Variants in SLC4A5 observed in about 807,000 individuals in gnomAD.
SLC4A5 encodes electrogenic sodium bicarbonate cotransporter 4.
Under a neutral mutation model 120.4 loss-of-function variants are expected in SLC4A5, and 96 were observed. That is an observed-to-expected ratio of 0.80 (90% CI 0.68 to 0.94). The LOEUF is 0.94. Among genes scored for constraint, SLC4A5 ranks in the 40% least tolerant of loss-of-function variants. SLC4A5 has a pLI of 0.00. For missense variants in SLC4A5, 1,259 were observed against 1,459.5 expected, an observed-to-expected ratio of 0.86 and a Z score of 2.24; for synonymous variants, 550 against 571.1, an observed-to-expected ratio of 0.96 and a Z score of 0.53.
chr2:74,262,786 G>A (rs1671183232), intron 10 of SLC4A5, among the ~76,000 whole-genome samples: 2 of 152,128 alleles, frequency 1.3e-5, no homozygotes, highest in African/African-American at 4.8e-5. Flanking sequence ...GGCACAAGGT[G>A]TAGTAGACTG....
chr2:74,230,413 A>C (rs1360248310), intron 25 of SLC4A5, among the ~76,000 whole-genome samples: 1 of 152,024 alleles, frequency 6.6e-6, no homozygotes, highest in Non-Finnish European at 1.5e-5. Context: ...GGTGGGACAT[A>C]AGCAAGAGGA....
At chr2:74,265,033 C>A in intron 9 of SLC4A5, 71 bp downstream of exon 9, 2 of 1,513,278 alleles carry the variant, frequency 1.3e-6, no homozygotes, top group South Asian at 2.5e-5. Context: ...TGAGGGCAGG[C>A]ATGAGGTCAG....
chr2:74,242,021 T>A (rs757525373), exon 20 of SLC4A5: 4 of 1,606,630 alleles, frequency 2.5e-6, no homozygotes, highest in Non-Finnish European at 3.4e-6. Context: ...CTGGTGCCAA[T>A]GGGGCTGAAG....
intron 10 of SLC4A5, 97 bp from the exon 11 acceptor site, chr2:74,262,329 C>CA: frequency 1.4e-6 from 1 of 736,910 alleles, no homozygotes; most frequent in Non-Finnish European, 2.2e-6. Context: ...AACTGGGTGG[C>CA]AAGACATGTC....
chr2:74,304,616 C>T (rs1672581895), exon 7 of SLC4A5: 1 of 1,614,174 alleles, frequency 6.2e-7, no homozygotes, highest in African/African-American at 1.3e-5. Context: ...AAAGATGTCC[C>T]TTCTGGTCAG....
At chr2:74,261,413 G>T (rs553558416) in intron 11 of SLC4A5, among the ~76,000 whole-genome samples, 1 of 152,358 alleles carries the variant, frequency 6.6e-6, no homozygotes, top group Non-Finnish European at 1.5e-5. Flanking sequence ...ACAGGCAGGG[G>T]CTGCATTGCC....
At chr2:74,218,773 T>C (rs1444589919) in exon 31 of SLC4A5, 1 of 152,664 alleles carries the variant, frequency 6.6e-6, no homozygotes, top group Non-Finnish European at 1.5e-5. Context: ...GGACAGGATA[T>C]TTTGAAGTGC....
At chr2:74,293,305 C>T (rs1051529229) in intron 7 of SLC4A5, among the ~76,000 whole-genome samples, 14 of 152,270 alleles carry the variant, frequency 9.2e-5, no homozygotes, top group African/African-American at 2.9e-4. Context: ...GCTGTGTTCA[C>T]GGGAATCCTT....
intron 19 of SLC4A5, among the ~76,000 whole-genome samples, chr2:74,243,583 G>C (rs576533613): frequency 6.6e-4 from 101 of 152,192 alleles, no homozygotes; most frequent in Non-Finnish European, 1.2e-3. Context: ...AGACAGAGAA[G>C]CCGGGCAGGA....
At chr2:74,260,818 G>A (rs1671110953) in intron 11 of SLC4A5, among the ~76,000 whole-genome samples, 1 of 152,180 alleles carries the variant, frequency 6.6e-6, no homozygotes, top group Non-Finnish European at 1.5e-5. Flanking sequence ...CTTCCCAGGG[G>A]TTCCCATTAT....
chr2:74,254,265 G>A (rs1670887384), intron 14 of SLC4A5, among the ~76,000 whole-genome samples: 3 of 152,092 alleles, frequency 2.0e-5, no homozygotes. Context: ...CAGCTTCTCT[G>A]AGCCTGATCC....
At chr2:74,282,484 T>C (rs2104149554) in intron 8 of SLC4A5, among the ~76,000 whole-genome samples, 1 of 152,364 alleles carries the variant, frequency 6.6e-6, no homozygotes, top group African/African-American at 2.4e-5. Context: ...CCTCCTCAGA[T>C]GCCATCTTCA....
At chr2:74,261,115 A>G (rs1671120437) in intron 11 of SLC4A5, among the ~76,000 whole-genome samples, 1 of 152,104 alleles carries the variant, frequency 6.6e-6, no homozygotes, top group South Asian at 2.1e-4. Flanking sequence ...ATGCTGGGCC[A>G]CCTCATGGCG....
chr2:74,290,374 T>G, intron 7 of SLC4A5: 1 of 985,300 alleles, frequency 1.0e-6, no homozygotes, highest in Non-Finnish European at 1.2e-6. Context: ...AAACTCACTT[T>G]TGTTTCCAGT....
intron 7 of SLC4A5, among the ~76,000 whole-genome samples, chr2:74,293,835 A>G (rs1271883924): frequency 6.6e-6 from 1 of 152,172 alleles, no homozygotes; most frequent in Non-Finnish European, 1.5e-5. Flanking sequence ...GAAATTCTAG[A>G]GTGTGGAGAT....
chr2:74,339,870 A>G (rs570982739), intron 2 of SLC4A5, among the ~76,000 whole-genome samples: 5 of 152,376 alleles, frequency 3.3e-5, no homozygotes, highest in Middle Eastern at 3.4e-3. Flanking sequence ...AAAAGGAATA[A>G]AATTCAGACA....
intron 8 of SLC4A5, among the ~76,000 whole-genome samples, chr2:74,266,378 C>G (rs753680119): frequency 6.6e-6 from 1 of 152,134 alleles, no homozygotes; most frequent in Non-Finnish European, 1.5e-5. Flanking sequence ...AGGTGATCTT[C>G]CCAACTCAGC....
At chr2:74,219,104 C>T (rs1269083851) in intron 30 of SLC4A5, among the ~76,000 whole-genome samples, 1 of 151,980 alleles carries the variant, frequency 6.6e-6, no homozygotes, top group Admixed American at 6.6e-5. Flanking sequence ...CAAACACAAA[C>T]ACAGTCTTCT....
chr2:74,289,382 T>G (rs1672087748), intron 7 of SLC4A5, among the ~76,000 whole-genome samples: 1 of 152,050 alleles, frequency 6.6e-6, no homozygotes. Context: ...AGTGGCACAA[T>G]CTTGGCTCAC....
Sources: allele counts gnomAD v4.1 joint callset (sites outside exome capture counted in the v4.1 genomes callset), GRCh38; gene constraint gnomAD v4.1.1; transcripts MANE v1.5; gene names NCBI Gene and HGNC (gene_info 2026-07-23, HGNC 2026-07-21).